Variants in TENM2 observed in about 807,000 individuals in gnomAD.
The protein encoded by TENM2 is teneurin-2.
TENM2 carries 52 observed loss-of-function variants against 245.2 expected under a neutral mutation model. The ratio of observed to expected loss-of-function variants is 0.21; its 90% CI spans 0.17 to 0.27. TENM2 has a LOEUF of 0.27. Ranked by LOEUF, TENM2 falls within the 10% of genes least tolerant of loss-of-function variation. TENM2 has a pLI of 1.00. For missense variants in TENM2, 3,046 were observed against 3,666.8 expected, an observed-to-expected ratio of 0.83 and a Z score of 4.37; for synonymous variants, 1,363 against 1,438.9, an observed-to-expected ratio of 0.95 and a Z score of 1.19.
intron 25 of TENM2, among the ~76,000 whole-genome samples, chr5:168,234,804 C>T (rs1479760475): frequency 6.6e-6 from 1 of 152,182 alleles, no homozygotes; most frequent in Non-Finnish European, 1.5e-5. Flanking sequence ...ATAGAGATTG[C>T]AGAAGCAAGA....
intron 8 of TENM2, among the ~76,000 whole-genome samples, chr5:168,097,604 G>A (rs398089065): frequency 6.3e-4 from 3 of 4,794 alleles, no homozygotes; most frequent in African/African-American, 4.6e-3. Flanking sequence ...GTGTGTGTGC[G>A]TGTGTGTGTG....
chr5:167,391,011 C>T (rs892302193), intron 2 of TENM2, among the ~76,000 whole-genome samples: 2 of 152,130 alleles, frequency 1.3e-5, no homozygotes, highest in Non-Finnish European at 2.9e-5. Flanking sequence ...ATACTCTCTT[C>T]CTCTGTGTCG....
chr5:167,399,919 G>C (rs549101255), intron 2 of TENM2, among the ~76,000 whole-genome samples: 1 of 151,800 alleles, frequency 6.6e-6, no homozygotes, highest in South Asian at 2.1e-4. Flanking sequence ...AGAATACAAA[G>C]ATACTGTAAA....
At chr5:167,269,316 C>A in the TENM2 span, among the ~76,000 whole-genome samples, 1 of 152,040 alleles carries the variant, frequency 6.6e-6, no homozygotes, top group African/African-American at 2.4e-5. Context: ...CTTTATTGGG[C>A]GCTCTTTAAT....
chr5:167,548,564 C>CAT (rs397831359), intron 2 of TENM2, among the ~76,000 whole-genome samples: 11 of 151,786 alleles, frequency 7.2e-5, no homozygotes, highest in Admixed American at 2.6e-4. Context: ...CACACACACA[C>CAT]GCACACATAC....
At chr5:167,668,247 G>A (rs894184194) in intron 2 of TENM2, among the ~76,000 whole-genome samples, 50 of 152,212 alleles carry the variant, frequency 3.3e-4, no homozygotes, top group African/African-American at 1.1e-3. Context: ...TCCACCAAGA[G>A]TCCCCTTATG....
At chr5:167,264,556 C>T in the TENM2 span, among the ~76,000 whole-genome samples, 7 of 152,236 alleles carry the variant, frequency 4.6e-5, no homozygotes, top group African/African-American at 7.2e-5. Context: ...ATTCTGCACT[C>T]GCCTGGCAGC....
At chr5:167,519,421 A>G (rs1770611758) in intron 2 of TENM2, among the ~76,000 whole-genome samples, 1 of 152,140 alleles carries the variant, frequency 6.6e-6, no homozygotes, top group Non-Finnish European at 1.5e-5. Context: ...TATTAAGGGT[A>G]CTAAACACAA....
chr5:167,151,454 A>G, the TENM2 span, among the ~76,000 whole-genome samples: 2 of 152,210 alleles, frequency 1.3e-5, no homozygotes, highest in African/African-American at 4.8e-5. Flanking sequence ...ACTACGTTAC[A>G]ACTACGTGTG....
chr5:168,172,429 A>G (rs1194072566), intron 13 of TENM2, among the ~76,000 whole-genome samples: 2 of 152,154 alleles, frequency 1.3e-5, no homozygotes, highest in Non-Finnish European at 2.9e-5. Flanking sequence ...AATCATGACA[A>G]TCCCCACAAG....
chr5:167,616,983 A>G (rs1301805906), intron 2 of TENM2, among the ~76,000 whole-genome samples: 1 of 152,124 alleles, frequency 6.6e-6, no homozygotes, highest in Non-Finnish European at 1.5e-5. Flanking sequence ...CCTTGTGCCT[A>G]TACACATGCA....
chr5:167,863,407 G>A (rs139067792), intron 2 of TENM2, among the ~76,000 whole-genome samples: 4,088 of 152,074 alleles, frequency 0.027, 177 homozygotes, highest in African/African-American at 0.094. Context: ...CTGGGGTCGG[G>A]AGTTTGAGAC....
intron 2 of TENM2, among the ~76,000 whole-genome samples, chr5:167,431,836 A>G (rs1764237900): frequency 6.6e-6 from 1 of 150,410 alleles, no homozygotes; most frequent in African/African-American, 2.5e-5. Context: ...TAAAATAGGA[A>G]TTTTAATCAT....
At chr5:167,302,735 C>T (rs1044300301) in intron 1 of TENM2, among the ~76,000 whole-genome samples, 2 of 151,960 alleles carry the variant, frequency 1.3e-5, no homozygotes, top group African/African-American at 4.8e-5. Flanking sequence ...GTTCTTACTG[C>T]CCAGAAAAGC....
At chr5:167,557,816 G>GA (rs1247274226) in intron 2 of TENM2, among the ~76,000 whole-genome samples, 1 of 152,118 alleles carries the variant, frequency 6.6e-6, no homozygotes, top group Non-Finnish European at 1.5e-5. Context: ...TCACCCACAA[G>GA]AGAGAATTAT....
chr5:167,048,875 T>C, the TENM2 span, among the ~76,000 whole-genome samples: 1 of 152,200 alleles, frequency 6.6e-6, no homozygotes, highest in Admixed American at 6.5e-5. Flanking sequence ...ATTATTCCAA[T>C]AAAGATACTT....
chr5:168,034,445 G>A (rs1164211321), intron 5 of TENM2, among the ~76,000 whole-genome samples: 1 of 151,712 alleles, frequency 6.6e-6, no homozygotes, highest in Non-Finnish European at 1.5e-5. Flanking sequence ...AAAATATCCA[G>A]GGAAGGCCAA....
At chr5:167,215,161 C>T in the TENM2 span, among the ~76,000 whole-genome samples, 2 of 152,160 alleles carry the variant, frequency 1.3e-5, no homozygotes, top group Non-Finnish European at 2.9e-5. Flanking sequence ...CCTGCTAAAG[C>T]TAGGCGAGCT....
intron 27 of TENM2, among the ~76,000 whole-genome samples, chr5:168,255,839 T>A (rs1284016826): frequency 6.6e-6 from 1 of 152,180 alleles, no homozygotes; most frequent in Non-Finnish European, 1.5e-5. Context: ...GAAGTCTCAC[T>A]CTGTCTCCCA....
Sources: gnomAD v4.1 joint callset for allele counts (sites outside exome capture counted in the v4.1 genomes callset) on GRCh38, gnomAD v4.1.1 for gene constraint, MANE v1.5 for transcripts, NCBI Gene and HGNC (gene_info 2026-07-23, HGNC 2026-07-21) for gene names.